CD8B2: variants seen among roughly 807,000 people sequenced by gnomAD.
CD8B2 encodes CD8B family member 2.
A neutral mutation model predicts 23.7 loss-of-function variants in CD8B2; 11 were observed. That is an observed-to-expected ratio of 0.46 (90% CI 0.29 to 0.77). The LOEUF is 0.77. CD8B2 is among the 30% of genes least tolerant of loss of function. CD8B2 has a pLI of 0.09. For missense variants in CD8B2, 197 were observed against 270.5 expected (o/e 0.73, Z 1.91); for synonymous variants, 90 against 109.3 (o/e 0.82, Z 1.10).
At chr2:106,531,916 G>A (rs116146378) in intron 5 of CD8B2, among the ~76,000 whole-genome samples, 167 of 152,240 alleles carry the variant, frequency 1.1e-3, no homozygotes, top group African/African-American at 3.6e-3. Flanking sequence ...CCTCATTTTC[G>A]TTATAGCAAG....
intron 5 of CD8B2, among the ~76,000 whole-genome samples, chr2:106,538,497 T>C (rs1265092288): frequency 6.6e-6 from 1 of 152,138 alleles, no homozygotes; most frequent in African/African-American, 2.4e-5. Flanking sequence ...TTTCCCCATG[T>C]TGTAATAAGG....
rs145866996 is a variant in CD8B2 at position 106,541,634 on chromosome 2, T to C, written c.621-2358T>C. Among the ~76,000 whole-genome samples the C allele has an allele frequency of 1.0e-3, 156 of 152,292 alleles. 1 individual carries two copies. The highest frequency in any genetic ancestry group is 3.7e-3 in the African/African-American group (152 of 41,560). ...ACCTGTTAGTGGATTATGAAATCTCTCTCTATTAATGAAATAGAGACCATA... is the reference window on the plus strand; with the variant it reads ...ACCTGTTAGTGGATTATGAAATCTCCCTCTATTAATGAAATAGAGACCATA... On this transcript the variant is annotated intron_variant, in intron 5 of 5. Transcript: ENST00000416057.
chr2:106,517,906 G>A (rs1679756598), intron 5 of CD8B2, among the ~76,000 whole-genome samples: 1 of 152,012 alleles, frequency 6.6e-6, no homozygotes, highest in African/African-American at 2.4e-5. Context: ...AGTAGAGACG[G>A]GGTTTCACCG....
intron 5 of CD8B2, among the ~76,000 whole-genome samples, chr2:106,529,850 A>G (rs1679967508): frequency 6.6e-6 from 1 of 152,226 alleles, no homozygotes; most frequent in Admixed American, 6.5e-5. Flanking sequence ...CACACAGGGC[A>G]AGCAGCGATG....
chr2:106,538,608 A>C lies in CD8B2; in HGVS notation c.621-5384A>C, dbSNP rs566308977. Reference sequence around the variant, plus strand: ...AGAGCCGAGCAGTGTCCTGAGTAGGAATTCCTGTCTGTAACACCCTTCCCC... The same window carrying C: ...AGAGCCGAGCAGTGTCCTGAGTAGGCATTCCTGTCTGTAACACCCTTCCCC... On this transcript the variant is annotated intron_variant, in intron 5 of 5. Transcript: ENST00000416057. 4.6e-5 allele frequency among the ~76,000 whole-genome samples: 7 copies of C among 152,158 alleles called. No homozygotes were observed. The East Asian group carries it at 1.4e-3, about 29-fold the overall frequency.
At chr2:106,495,149 A>G (rs1679273858) in intron 2 of CD8B2, among the ~76,000 whole-genome samples, 1 of 152,066 alleles carries the variant, frequency 6.6e-6, no homozygotes, top group Non-Finnish European at 1.5e-5. Context: ...CCCAAGAAGG[A>G]GGTGGCAGTT....
At position 106,533,428 on chromosome 2, in the gene CD8B2, C is replaced by T. The variant is rs376836271; in HGVS notation, c.621-10564C>T. On this transcript the variant is annotated intron_variant, in intron 5 of 5. Coordinates refer to the CD8B2 transcript ENST00000416057. ...TTGAGTTCACAGTTGTGTGCAGTCC[C>T]TTTTGTAAACGTTGGTGATGACGAG... 2.0e-5 allele frequency among the ~76,000 whole-genome samples: 3 copies of T among 152,284 alleles called. No homozygotes were observed. The East Asian group carries it at 5.8e-4, about 29-fold the overall frequency.
At chr2:106,517,776 G>A (rs1311961663) in intron 5 of CD8B2, among the ~76,000 whole-genome samples, 1 of 151,770 alleles carries the variant, frequency 6.6e-6, no homozygotes, top group Non-Finnish European at 1.5e-5. Flanking sequence ...GCAGTGGCGC[G>A]ATCTCGGCTC....
intron 5 of CD8B2, among the ~76,000 whole-genome samples, chr2:106,517,552 T>C (rs543860761): frequency 6.1e-4 from 93 of 152,114 alleles, no homozygotes; most frequent in Non-Finnish European, 5.0e-4. Flanking sequence ...TTGCGCAACA[T>C]TGAGCCCCCA....
At chr2:106,531,188 A>G (rs368579046) in intron 5 of CD8B2, among the ~76,000 whole-genome samples, 8 of 152,216 alleles carry the variant, frequency 5.3e-5, no homozygotes, top group African/African-American at 1.9e-4. Context: ...AAGTAGCAGA[A>G]TTTGCTCTGC....
intron 5 of CD8B2, among the ~76,000 whole-genome samples, chr2:106,518,902 C>T (rs1027544607): frequency 6.6e-6 from 1 of 151,850 alleles, no homozygotes; most frequent in African/African-American, 2.4e-5. Context: ...CAACCATCCC[C>T]TAAACTCCTC....
At chr2:106,534,357 G>A (rs968878161) in intron 5 of CD8B2, among the ~76,000 whole-genome samples, 1 of 152,146 alleles carries the variant, frequency 6.6e-6, no homozygotes, top group African/African-American at 2.4e-5. Flanking sequence ...TGCACTTACA[G>A]CCTTAAAATA....
intron 5 of CD8B2, among the ~76,000 whole-genome samples, chr2:106,541,156 T>C (rs1351525787): frequency 1.3e-5 from 2 of 152,130 alleles, no homozygotes; most frequent in East Asian, 3.9e-4. Context: ...ACGCTGGCTG[T>C]GTGACAAGGT....
At chr2:106,531,901 A>G (rs963227769) in intron 5 of CD8B2, among the ~76,000 whole-genome samples, 1 of 152,048 alleles carries the variant, frequency 6.6e-6, no homozygotes, top group Non-Finnish European at 1.5e-5. Context: ...CAGGCCTTTG[A>G]TTTCCCTCAT....
chr2:106,518,154 A>G (rs1679766310), intron 5 of CD8B2, among the ~76,000 whole-genome samples: 1 of 152,210 alleles, frequency 6.6e-6, no homozygotes. Flanking sequence ...GTGGGTAGGT[A>G]GTAAACATTT....
downstream of CD8B2, among the ~76,000 whole-genome samples, chr2:106,515,093 C>G (rs908406777): frequency 6.6e-6 from 1 of 152,244 alleles, no homozygotes; most frequent in Non-Finnish European, 1.5e-5. Context: ...AACACTCTTA[C>G]AGACACACCC....
chr2:106,538,569 C>T (rs146296237), intron 5 of CD8B2, among the ~76,000 whole-genome samples: 2 of 152,228 alleles, frequency 1.3e-5, no homozygotes, highest in Non-Finnish European at 2.9e-5. Flanking sequence ...GGAAAATTCA[C>T]CTTTGCGCTA....
intron 3 of CD8B2, among the ~76,000 whole-genome samples, chr2:106,500,948 A>G (rs1679393722): frequency 6.6e-6 from 1 of 152,202 alleles, no homozygotes; most frequent in African/African-American, 2.4e-5. Context: ...ATTTAAGTGA[A>G]ATAACATTTT....
At chr2:106,540,842 C>T (rs113014540) in intron 5 of CD8B2, among the ~76,000 whole-genome samples, 14 of 152,294 alleles carry the variant, frequency 9.2e-5, no homozygotes, top group African/African-American at 2.4e-4. Flanking sequence ...GGATTACAGG[C>T]GCAAGCCACT....
Sources: gnomAD v4.1 joint callset for allele counts (sites outside exome capture counted in the v4.1 genomes callset) on GRCh38, gnomAD v4.1.1 for gene constraint, MANE v1.5 for transcripts, NCBI Gene and HGNC (gene_info 2026-07-23, HGNC 2026-07-21) for gene names.